SNX27: variants seen among roughly 807,000 people sequenced by gnomAD.
SNX27 encodes sorting nexin-27.
In SNX27, 22 loss-of-function variants were observed where a neutral mutation model predicts 71.6. The ratio of observed to expected loss-of-function variants is 0.31; its 90% CI spans 0.22 to 0.44. The LOEUF (loss-of-function observed/expected upper bound fraction) is 0.44, where lower values mean the gene tolerates loss of function less well. Among genes scored for constraint, SNX27 ranks in the 20% least tolerant of loss-of-function variants. The probability of loss-of-function intolerance (pLI) is 1.00; values close to 1 mark genes in which losing one functional copy is unlikely to be tolerated. For synonymous variants in SNX27, 269 were observed against 277.2 expected (o/e 0.97, Z 0.29); for missense variants, 531 against 698.6 (o/e 0.76, Z 2.70).
In SNX27 at chr1:151,694,543, T is replaced by C. The variant is rs1671616942; in HGVS notation, c.*126T>C. 1.1e-6 allele frequency: 1 copy of C among 927,832 alleles called. No individual in the cohort carries two copies. Among genetic ancestry groups the C allele is most frequent in the African/African-American group, 1.7e-5 (1 of 58,390 alleles). 57.5% of individuals were successfully genotyped at this position (927,832 alleles called of 1,614,324 possible). A position where few individuals can be genotyped will look rare whatever the true frequency, so the allele number is the denominator to read the frequency against. ...TTAAAGTCGTTATATTCAAAAGCCC[T>C]AAACTAAATATTATTAATAACCCCC... On this transcript the variant is annotated 3_prime_UTR_variant, in exon 12 of 12. Transcript: ENST00000458013.
At position 151,612,088 on chromosome 1, in the gene SNX27, G is replaced by T. The variant is rs965242825; in HGVS notation, c.-114G>T. The T allele has an allele frequency of 3.4e-6, 4 of 1,165,502 alleles. No individual in the cohort carries two copies. The East Asian group carries it at 9.6e-5, about 28-fold the overall frequency. The allele number at this position is 1,165,502 out of a possible 1,614,324, so 72.2% of individuals were successfully genotyped here. A position where few individuals can be genotyped will look rare whatever the true frequency, so the allele number is the denominator to read the frequency against. On this transcript the variant is annotated 5_prime_UTR_variant, in exon 1 of 12. Transcript: ENST00000458013. This position sits in a 1 kb window ranked among gnomAD's most constrained non-coding sequence, Gnocchi z 5.2. ...AGCTCGGTGGCCGAGTCGGTCCCGC[G>T]GCCGGCGGATCGGGCGCGCGCGTCG...
At chr1:151,635,611 C>G (rs1007603703) in intron 1 of SNX27, among the ~76,000 whole-genome samples, 29 of 152,200 alleles carry the variant, frequency 1.9e-4, no homozygotes, top group African/African-American at 6.7e-4. Context: ...GAAGGAGGGC[C>G]CTTTTTCAAA....
At chr1:151,643,663 T>C (rs114444103) in intron 2 of SNX27, among the ~76,000 whole-genome samples, 1 of 151,956 alleles carries the variant, frequency 6.6e-6, no homozygotes, top group African/African-American at 2.4e-5. Flanking sequence ...GGGTTTTTTT[T>C]ATTTTTTTAT....
In SNX27 at chr1:151,650,654, G is replaced by C. The variant is rs575900441; in HGVS notation, c.544-7581G>C. The stretch of plus-strand genomic sequence containing the variant: ...ATTCTTGGGTGTTTCTCACAGGGGG[G>C]ATTTGGCAGGGTCATAGGACAATAG... On this transcript the variant is annotated intron_variant, in intron 2 of 11. Coordinates refer to ENST00000458013, the MANE Select transcript of SNX27 (RefSeq NM_001330723.2). Among the ~76,000 whole-genome samples the C allele has an allele frequency of 6.6e-4, 101 of 151,946 alleles. 1 individual carries two copies. The highest frequency in any genetic ancestry group is 2.3e-3 in the African/African-American group (97 of 41,414).
chr1:151,667,752 G>T (rs1467961232), intron 6 of SNX27, among the ~76,000 whole-genome samples: 1 of 147,140 alleles, frequency 6.8e-6, no homozygotes, highest in Admixed American at 6.9e-5. Flanking sequence ...GCGTGAACCT[G>T]GGAGGCGGAG....
chr1:151,674,518 G>T (rs952312201), intron 7 of SNX27, among the ~76,000 whole-genome samples: 3 of 151,962 alleles, frequency 2.0e-5, no homozygotes, highest in Admixed American at 2.0e-4. Flanking sequence ...TGTTTCCCAG[G>T]TTGGTCTTGA....
intron 7 of SNX27, among the ~76,000 whole-genome samples, chr1:151,681,182 T>C (rs72692751): frequency 1.5e-4 from 23 of 151,398 alleles, no homozygotes; most frequent in Admixed American, 2.6e-4. Context: ...ACATGACTTA[T>C]GCAAGTACAC....
intron 1 of SNX27, among the ~76,000 whole-genome samples, chr1:151,620,468 C>A (rs1211730622): frequency 6.6e-6 from 1 of 152,026 alleles, no homozygotes; most frequent in African/African-American, 2.4e-5. Context: ...GCTCTGACAC[C>A]CAGAACTGGG....
chr1:151,634,508 C>A (rs1050632954), intron 1 of SNX27, among the ~76,000 whole-genome samples: 1 of 152,194 alleles, frequency 6.6e-6, no homozygotes, highest in Non-Finnish European at 1.5e-5. Context: ...GTTTCCCTAG[C>A]TGGCCAACTT....
At chr1:151,617,696 C>T (rs369035904) in intron 1 of SNX27, among the ~76,000 whole-genome samples, 8 of 152,098 alleles carry the variant, frequency 5.3e-5, no homozygotes, top group African/African-American at 1.7e-4. Context: ...GTATCCCTAG[C>T]CAAATGTCTG....
chr1:151,623,787 T>C (rs1571762958), intron 1 of SNX27, among the ~76,000 whole-genome samples: 1 of 152,116 alleles, frequency 6.6e-6, no homozygotes, highest in Non-Finnish European at 1.5e-5. Flanking sequence ...AACTATAGGG[T>C]TGCTCTATAT....
intron 7 of SNX27, among the ~76,000 whole-genome samples, chr1:151,673,510 T>C (rs888133773): frequency 1.3e-5 from 2 of 152,224 alleles, no homozygotes; most frequent in African/African-American, 4.8e-5. Context: ...AGTCATTGGA[T>C]GAAGTGTTCT....
At chr1:151,676,603 GC>G (rs1398578926) in intron 7 of SNX27, 1 of 152,090 alleles carries the variant, frequency 6.6e-6, no homozygotes, top group African/African-American at 2.4e-5. Context: ...ACCACGCCCG[GC>G]CAGGAATTTT....
At chr1:151,682,209 G>A (rs753426680) in intron 7 of SNX27, among the ~76,000 whole-genome samples, 12 of 152,346 alleles carry the variant, frequency 7.9e-5, no homozygotes, top group Admixed American at 1.3e-4. Flanking sequence ...TTCTTTAAAT[G>A]CTAGTTATTC....
chr1:151,650,683 A>AG (rs1439618634), intron 2 of SNX27, among the ~76,000 whole-genome samples: 1 of 151,944 alleles, frequency 6.6e-6, no homozygotes, highest in Non-Finnish European at 1.5e-5. Flanking sequence ...ACAATAGTGG[A>AG]GGGAAGGTCA....
At chr1:151,655,309 AG>A (rs1669633214) in intron 2 of SNX27, among the ~76,000 whole-genome samples, 1 of 152,144 alleles carries the variant, frequency 6.6e-6, no homozygotes, top group African/African-American at 2.4e-5. Flanking sequence ...TTCTGGCTGG[AG>A]GGAAGTTGAA....
chr1:151,626,438 T>G (rs1667945741), intron 1 of SNX27, among the ~76,000 whole-genome samples: 1 of 152,154 alleles, frequency 6.6e-6, no homozygotes, highest in African/African-American at 2.4e-5. Context: ...AAAGAATGTT[T>G]TATGATAATG....
intron 1 of SNX27, among the ~76,000 whole-genome samples, chr1:151,632,978 TCTC>T (rs1269270935): frequency 2.0e-5 from 3 of 151,924 alleles, no homozygotes; most frequent in African/African-American, 7.3e-5. Flanking sequence ...TTCACGCCAT[TCTC>T]CTGCCTCAGC....
intron 1 of SNX27, among the ~76,000 whole-genome samples, chr1:151,619,081 C>A (rs900953911): frequency 6.6e-6 from 1 of 151,974 alleles, no homozygotes; most frequent in Non-Finnish European, 1.5e-5. Flanking sequence ...TGGCTCACGC[C>A]TGTAATCCCA....
Sources: allele counts gnomAD v4.1 joint callset (sites outside exome capture counted in the v4.1 genomes callset), GRCh38; gene constraint gnomAD v4.1.1; non-coding constraint Gnocchi (gnomAD v3.1); transcripts MANE v1.5; gene names NCBI Gene and HGNC (gene_info 2026-07-23, HGNC 2026-07-21).